Variants in DHCR7 observed in about 807,000 individuals in gnomAD.
The protein encoded by DHCR7 is 7-DHC reductase.
DHCR7 carries 40 observed loss-of-function variants against 43.3 expected under a neutral mutation model. The observed-to-expected ratio is 0.92, with a 90% confidence interval of 0.72 to 1.20. DHCR7 has a LOEUF of 1.20. Ranked by LOEUF, DHCR7 falls within the 50% of genes most tolerant of loss-of-function variation. The pLI is 0.00. For synonymous variants in DHCR7, 298 were observed against 271.4 expected (o/e 1.10, Z -0.96); for missense variants, 608 against 644.6 (o/e 0.94, Z 0.62).
At chr11:71,437,975 C>G (rs772112435) in intron 7 of DHCR7, 32 bp from the exon 8 acceptor site, 13 of 1,609,002 alleles carry the variant, frequency 8.1e-6, no homozygotes, top group Middle Eastern at 3.3e-4. Context: ...TGACCACCCC[C>G]GGCCCTCCTG....
chr11:71,432,408 A>G (rs1949232910), downstream of DHCR7, among the ~76,000 whole-genome samples: 1 of 152,200 alleles, frequency 6.6e-6, no homozygotes, highest in South Asian at 2.1e-4. Flanking sequence ...TTGGTCATTT[A>G]TATTTTTTAA....
Position 71,441,354 on chromosome 11 carries a change from A to G in DHCR7, c.499T>C (p.Trp167Arg). The G allele has an allele frequency of 6.2e-7, 1 of 1,614,228 alleles. No individual in the cohort carries two copies. Among genetic ancestry groups the G allele is most frequent in the Non-Finnish European group, 8.5e-7 (1 of 1,180,036 alleles). ...TCGAAGATGATGGTGGGCGAGAACC[A>G]GGACAGGAGATGAGCGTTTGCAAAC... ...LWFANAHLLS[W>R]FSPTIIFDNW... The change falls in exon 6 of 9, where the codon TGG becomes CGG. Residue 167 changes from tryptophan (W) to arginine (R), a missense_variant. Physicochemically the swap from Trp to Arg is moderately radical, Grantham distance 101 (BLOSUM62 -3). Coordinates refer to ENST00000355527, the MANE Select transcript of DHCR7 (RefSeq NM_001360.3).
Position 71,435,689 on chromosome 11 carries a change from C to A in DHCR7, c.1114G>T (p.Gly372Cys), listed in dbSNP as rs760104729. The A allele has an allele frequency of 1.9e-6, 3 of 1,613,236 alleles. No homozygotes were observed. The South Asian group carries it at 3.3e-5, about 18-fold the overall frequency. ...CACTCGATGACCTTGGGCTTCCTGC[C>A]CCAGATGAGGCAGCGCCCATCCGTG... ...RRTDGRCLIW[G>C]RKPKVIECSY... Residue 372 changes from glycine to cysteine, a missense_variant, in exon 9 of 9, where the codon GGC (glycine) becomes TGC (cysteine). Coordinates refer to ENST00000355527, the MANE Select transcript of DHCR7 (RefSeq NM_001360.3).
At chr11:71,439,785 A>G (rs1949329387) in intron 6 of DHCR7, among the ~76,000 whole-genome samples, 1 of 152,222 alleles carries the variant, frequency 6.6e-6, no homozygotes, top group Non-Finnish European at 1.5e-5. Flanking sequence ...AGTAGAAAGA[A>G]GCAAAACACA....
At chr11:71,431,954 G>T (rs1016333658), downstream of DHCR7, among the ~76,000 whole-genome samples, 11 of 152,230 alleles carry the variant, frequency 7.2e-5, no homozygotes, top group African/African-American at 2.6e-4. Flanking sequence ...CTCCTGAATA[G>T]CTGGGACTAC....
downstream of DHCR7, among the ~76,000 whole-genome samples, chr11:71,433,108 C>T (rs1949238855): frequency 6.6e-6 from 1 of 152,230 alleles, no homozygotes; most frequent in Non-Finnish European, 1.5e-5. Context: ...CAGTGCCATG[C>T]CCTGTAAAGC....
In DHCR7 at chr11:71,448,381, C is replaced by G. The variant is rs1333959592; in HGVS notation, c.-223G>C. 6.6e-6 allele frequency: 1 copy of G among 152,660 alleles called. No individual in the cohort carries two copies. Among genetic ancestry groups the G allele is most frequent in the Middle Eastern group, 3.4e-3 (1 of 296 alleles). The allele number at this position is 152,660 out of a possible 1,614,324, so 9.5% of individuals were successfully genotyped here. On this transcript the variant is annotated 5_prime_UTR_variant, in exon 1 of 9. Coordinates refer to ENST00000355527, the MANE Select transcript of DHCR7 (RefSeq NM_001360.3). ...CGCCGCCTACCCTCTAGCCAGGGGTCGGAGTCACCCGCAGGGCAGGGGCGC... is the reference window on the plus strand; with the variant it reads ...CGCCGCCTACCCTCTAGCCAGGGGTGGGAGTCACCCGCAGGGCAGGGGCGC...
At chr11:71,431,606 C>G (rs530339113), downstream of DHCR7, among the ~76,000 whole-genome samples, 1 of 152,180 alleles carries the variant, frequency 6.6e-6, no homozygotes, top group African/African-American at 2.4e-5. Context: ...CTGCTTAGGG[C>G]AGGAAGGTCT....
rs1180916134 is a variant in DHCR7, at chr11:71,442,320, G to A, written c.355C>T (p.His119Tyr). The part of the protein sequence containing the change: ...LLYTSLPDFC[H>Y]KFLPGYVGGI... ...CCTACGTAGCCGGGTAGAAACTTAT[G>A]GCAGAAGTCAGGGAGAGACGTGTAC... Residue 119 changes from histidine to tyrosine, a missense_variant, in exon 5 of 9, where the codon CAT (histidine) becomes TAT (tyrosine). By Grantham distance (83) the His-to-Tyr change is moderately conservative. Transcript: ENST00000355527. The A allele has an allele frequency of 1.2e-6, 2 of 1,613,940 alleles. No homozygotes were observed. The highest frequency in any genetic ancestry group is 1.7e-6 in the Non-Finnish European group (2 of 1,179,938).
At chr11:71,439,777 T>C (rs1949329317) in intron 6 of DHCR7, among the ~76,000 whole-genome samples, 1 of 152,092 alleles carries the variant, frequency 6.6e-6, no homozygotes, top group Non-Finnish European at 1.5e-5. Context: ...GTAGGGTAAG[T>C]AGAAAGAAGC....
At chr11:71,435,915 C>G (rs923905452) in intron 8 of DHCR7, 76 bp from the exon 9 acceptor site, 1 of 1,259,594 alleles carries the variant, frequency 7.9e-7, no homozygotes, top group Non-Finnish European at 1.1e-6. Context: ...GGGGGCCCAG[C>G]GGCCTGGGGT....
intron 8 of DHCR7, among the ~76,000 whole-genome samples, chr11:71,437,021 C>T (rs1027976201): frequency 6.6e-6 from 1 of 152,134 alleles, no homozygotes; most frequent in Non-Finnish European, 1.5e-5. Context: ...GTGGGCCATG[C>T]GGGGGGCTCC....
chr11:71,442,225 G>A (rs1455139367), intron 5 of DHCR7, 38 bp downstream of exon 5: 2 of 1,485,972 alleles, frequency 1.3e-6, no homozygotes, highest in East Asian at 4.5e-5. Flanking sequence ...AAAGGGATGA[G>A]AACGGGAGCC....
At position 71,434,579 on chromosome 11, in the gene DHCR7, G is replaced by A. The variant is rs1342408455; in HGVS notation, c.*796C>T. 1 of 156,928 alleles carries A rather than the reference G, an allele frequency of 6.4e-6. No individual in the cohort carries two copies. The highest frequency in any genetic ancestry group is 2.4e-5 in the African/African-American group (1 of 41,436). The allele number at this position is 156,928 out of a possible 1,614,324, so 9.7% of individuals were successfully genotyped here. ...GGACTGAGACCTCCTCGCTGGAGAA[G>A]GTGTGGGAGGCCCCTGAGGGTGAAG... On this transcript the variant is annotated 3_prime_UTR_variant, in exon 9 of 9. Coordinates refer to ENST00000355527, the MANE Select transcript of DHCR7 (RefSeq NM_001360.3).
intron 8 of DHCR7, 39 bp from the exon 9 acceptor site, chr11:71,435,878 C>T (rs1949274919): frequency 6.4e-7 from 1 of 1,556,264 alleles, no homozygotes. Context: ...GGTGCTTTGC[C>T]CAGGGAGAGG....
rs80338855 is a variant in DHCR7 at position 71,441,347 on chromosome 11, G to A, written c.506C>T (p.Ser169Leu). The A allele has an allele frequency of 2.4e-5, 38 of 1,614,112 alleles. No homozygotes were observed. The highest frequency in any genetic ancestry group is 4.0e-5 in the African/African-American group (3 of 74,930). Residue 169 changes from serine (S) to leucine (L), a missense_variant, in exon 6 of 9, where the codon TCG (serine) becomes TTG (leucine). Coordinates refer to ENST00000355527, the MANE Select transcript of DHCR7 (RefSeq NM_001360.3). ...CCAGTTGTCGAAGATGATGGTGGGC[G>A]AGAACCAGGACAGGAGATGAGCGTT... ...FANAHLLSWF[S>L]PTIIFDNWIP...
At chr11:71,436,056 T>A (rs1949276975) in intron 8 of DHCR7, 1 of 599,864 alleles carries the variant, frequency 1.7e-6, no homozygotes, top group Admixed American at 2.8e-5. Flanking sequence ...TCTGTGTGTG[T>A]ATGTGTGTGT....
intron 2 of DHCR7, chr11:71,428,959 C>CTTT (rs1949214478): frequency 2.3e-6 from 1 of 430,048 alleles, no homozygotes; most frequent in South Asian, 1.7e-5. Context: ...CTCCTCCTCA[C>CTTT]TTATCTAAGT....
rs1435364941 is a variant in DHCR7, at chr11:71,441,559, CCCTCATCTGGGGCCCCAGGAA to C, written c.413-140_413-120del. 4.5e-6 allele frequency: 4 copies of C among 892,356 alleles called. No individual in the cohort carries two copies. In the African/African-American group the frequency reaches 4.9e-5, roughly 11 times the overall value. The allele number at this position is 892,356 out of a possible 1,614,324, so 55.3% of individuals were successfully genotyped here. A position where few individuals can be genotyped will look rare whatever the true frequency, so the allele number is the denominator to read the frequency against. ...CTTTCTGGGCCTCTGCTGCTGCGGA[CCCTCATCTGGGGCCCCAGGAA>C]CCATCTCTGAGGCCCCTATACCCTT... On this transcript the variant is annotated intron_variant, in intron 5 of 8. Transcript: ENST00000355527.
Sources: allele counts gnomAD v4.1 joint callset (sites outside exome capture counted in the v4.1 genomes callset), GRCh38; gene constraint gnomAD v4.1.1; transcripts MANE v1.5; gene names NCBI Gene and HGNC (gene_info 2026-07-23, HGNC 2026-07-21).